The following CSMD1 variants were observed in gnomAD, a reference collection of about 807,000 sequenced individuals.
The protein encoded by CSMD1 is CUB and sushi domain-containing protein 1.
A neutral mutation model predicts 417.5 loss-of-function variants in CSMD1; 213 were observed. That is an observed-to-expected ratio of 0.51 (90% CI 0.46 to 0.57). The LOEUF (loss-of-function observed/expected upper bound fraction) is 0.57, where lower values mean the gene tolerates loss of function less well. CSMD1 is among the 20% of genes least tolerant of loss of function. The pLI is 0.00. For synonymous variants in CSMD1, 2,862 were observed against 1,736.8 expected, an observed-to-expected ratio of 1.65 and a Z score of -16.11; for missense variants, 6,923 against 4,529.7, an observed-to-expected ratio of 1.53 and a Z score of -15.17.
At chr8:3,144,358 T>C (rs1169711941) in intron 40 of CSMD1, among the ~76,000 whole-genome samples, 2 of 152,034 alleles carry the variant, frequency 1.3e-5, no homozygotes, top group Non-Finnish European at 2.9e-5. Context: ...CAGTTTGTAT[T>C]ATGTTCAACC....
rs529552175 is a variant in CSMD1 at position 4,382,745 on chromosome 8, A to G, written c.415+37208T>C. On this transcript the variant is annotated intron_variant, in intron 3 of 69. Coordinates refer to ENST00000635120, the MANE Select transcript of CSMD1 (RefSeq NM_033225.6). ...TTTAACGCTTTGCATTGTTAGGTCC[A>G]TAAACATTCTGTGTCTAAAAGAAAC... Among the ~76,000 whole-genome samples, 7 of 152,334 alleles carry G rather than the reference A, an allele frequency of 4.6e-5. No individual in the cohort carries two copies. In the South Asian group the frequency reaches 1.0e-3, roughly 23 times the overall value.
intron 12 of CSMD1, among the ~76,000 whole-genome samples, chr8:3,425,525 T>G (rs1242266660): frequency 6.7e-6 from 1 of 148,228 alleles, no homozygotes; most frequent in Admixed American, 6.8e-5. Flanking sequence ...GAGGTGGAGG[T>G]TGCAGTGATC....
intron 1 of CSMD1, among the ~76,000 whole-genome samples, chr8:4,918,172 G>C (rs1806196622): frequency 6.6e-6 from 1 of 152,174 alleles, no homozygotes; most frequent in Admixed American, 6.5e-5. Flanking sequence ...GTTGGTGTTG[G>C]TGACTCCTGA....
At chr8:4,276,211 G>A (rs1162748015) in intron 3 of CSMD1, among the ~76,000 whole-genome samples, 1 of 152,044 alleles carries the variant, frequency 6.6e-6, no homozygotes, top group South Asian at 2.1e-4. Flanking sequence ...GCAAAGACCT[G>A]GAACTAACGC....
intron 37 of CSMD1, among the ~76,000 whole-genome samples, chr8:3,168,457 GATAAT>G (rs1820369761): frequency 6.6e-6 from 1 of 152,130 alleles, no homozygotes; most frequent in Non-Finnish European, 1.5e-5. Context: ...TTAAAGTTGA[GATAAT>G]GTGCTGGAAC....
intron 2 of CSMD1, among the ~76,000 whole-genome samples, chr8:4,488,541 G>A (rs375329887): frequency 7.9e-5 from 12 of 151,942 alleles, no homozygotes; most frequent in Non-Finnish European, 1.6e-4. Flanking sequence ...TTTTTAAACT[G>A]GTGGAGTCGG....
chr8:4,068,971 T>C (rs992970040), intron 3 of CSMD1, among the ~76,000 whole-genome samples: 1 of 152,236 alleles, frequency 6.6e-6, no homozygotes, highest in African/African-American at 2.4e-5. Context: ...TTTTCTCCTT[T>C]GTTCAAACGT....
chr8:3,467,394 A>G lies in CSMD1; in HGVS notation c.1561+1318T>C, dbSNP rs183933617. On this transcript the variant is annotated intron_variant, in intron 12 of 69. Coordinates refer to ENST00000635120, the MANE Select transcript of CSMD1 (RefSeq NM_033225.6). ...AAATGCAGGTCATGTGGAAAATATG[A>G]TATCTCCACCATACTTTCCTGAATA... Among the ~76,000 whole-genome samples the G allele has an allele frequency of 2.5e-3, 386 of 152,332 alleles. 3 individuals are homozygous for G. Among genetic ancestry groups the G allele is most frequent in the Middle Eastern group, 0.014 (4 of 294 alleles).
chr8:4,561,536 G>C (rs945701661), intron 2 of CSMD1, among the ~76,000 whole-genome samples: 39 of 152,212 alleles, frequency 2.6e-4, no homozygotes, highest in African/African-American at 9.1e-4. Context: ...AGAAAAATTA[G>C]CCAGCCATGG....
At chr8:4,447,358 A>C (rs976705504) in intron 2 of CSMD1, among the ~76,000 whole-genome samples, 18 of 152,212 alleles carry the variant, frequency 1.2e-4, no homozygotes, top group African/African-American at 4.3e-4. Flanking sequence ...ATACAAGTTA[A>C]GAGGAAATAG....
At chr8:4,420,496 C>A (rs1797187199) in intron 2 of CSMD1, among the ~76,000 whole-genome samples, 1 of 152,036 alleles carries the variant, frequency 6.6e-6, no homozygotes, top group Non-Finnish European at 1.5e-5. Context: ...TGAAGCCCAG[C>A]ATGCATTATC....
At chr8:4,557,425 C>A (rs939661102) in intron 2 of CSMD1, among the ~76,000 whole-genome samples, 7 of 148,344 alleles carry the variant, frequency 4.7e-5, no homozygotes, top group African/African-American at 1.0e-4. Context: ...TGAAAATCTG[C>A]GAGGTTTTTT....
At chr8:3,224,841 G>A (rs1050840515) in intron 27 of CSMD1, among the ~76,000 whole-genome samples, 7 of 152,084 alleles carry the variant, frequency 4.6e-5, no homozygotes, top group Non-Finnish European at 8.8e-5. Context: ...CTCATCTCAC[G>A]GAAGGTGTGA....
At chr8:3,502,722 G>C (rs1450571212) in intron 10 of CSMD1, among the ~76,000 whole-genome samples, 1 of 152,184 alleles carries the variant, frequency 6.6e-6, no homozygotes, top group Non-Finnish European at 1.5e-5. Flanking sequence ...GAGGGATGAA[G>C]AGCAGGAGCA....
intron 26 of CSMD1, among the ~76,000 whole-genome samples, chr8:3,239,622 G>A (rs962404048): frequency 6.6e-6 from 1 of 152,208 alleles, no homozygotes; most frequent in Non-Finnish European, 1.5e-5. Context: ...GGAATACTGA[G>A]AAGTTATTTC....
chr8:3,310,453 G>A (rs1805241174), intron 23 of CSMD1, among the ~76,000 whole-genome samples: 2 of 152,188 alleles, frequency 1.3e-5, no homozygotes, highest in African/African-American at 4.8e-5. Flanking sequence ...CTTGTTGGAG[G>A]TGATGATTCT....
At chr8:4,984,477 A>G (rs1811065386) in intron 1 of CSMD1, among the ~76,000 whole-genome samples, 1 of 152,186 alleles carries the variant, frequency 6.6e-6, no homozygotes. Flanking sequence ...AGGACCATTT[A>G]CCTGCTTGAC....
chr8:3,533,508 A>G (rs1798065293), intron 10 of CSMD1, among the ~76,000 whole-genome samples: 1 of 152,146 alleles, frequency 6.6e-6, no homozygotes, highest in Non-Finnish European at 1.5e-5. Flanking sequence ...AGCTTACTTC[A>G]CTTAGCATCA....
intron 1 of CSMD1, among the ~76,000 whole-genome samples, chr8:4,686,437 C>G (rs1299099831): frequency 1.3e-5 from 2 of 152,206 alleles, no homozygotes; most frequent in African/African-American, 4.8e-5. Flanking sequence ...CCGATGTAGG[C>G]CATAAGTAGG....
Sources: allele counts gnomAD v4.1 joint callset (sites outside exome capture counted in the v4.1 genomes callset), GRCh38; gene constraint gnomAD v4.1.1; transcripts MANE v1.5; gene names NCBI Gene and HGNC (gene_info 2026-07-23, HGNC 2026-07-21).